Variants in ABR observed in about 807,000 individuals in gnomAD.
ABR encodes ABR activator of RhoGEF and GTPase.
A neutral mutation model predicts 107.2 loss-of-function variants in ABR; 35 were observed. That is an observed-to-expected ratio of 0.33 (90% CI 0.25 to 0.43). The LOEUF is 0.43. ABR is among the 20% of genes least tolerant of loss of function. The pLI is 1.00. For missense variants in ABR, 815 were observed against 1,115.2 expected (o/e 0.73, Z 3.83); for synonymous variants, 498 against 462.0 (o/e 1.08, Z -1.00).
At chr17:1,060,557 A>G (rs2033806051) in intron 10 of ABR, among the ~76,000 whole-genome samples, 2 of 152,218 alleles carry the variant, frequency 1.3e-5, no homozygotes, top group African/African-American at 4.8e-5. Context: ...GTTCAGAAGA[A>G]TACACCTCAA....
Position 1,004,034 on chromosome 17 carries a change from TC to T in ABR, c.*2045del. On this transcript the variant is annotated 3_prime_UTR_variant, in exon 23 of 23. Transcript: ENST00000302538. ...TCCCATAGCCTGTTCTCACGTTGCC[TC>T]AGCGAGCTTGGGGCTGTGGGGCTCC... 6.6e-6 allele frequency: 1 copy of T among 152,356 alleles called. No individual in the cohort carries two copies. The highest frequency in any genetic ancestry group is 1.9e-4 in the East Asian group (1 of 5,184). The allele number at this position is 152,356 out of a possible 1,614,324, so 9.4% of individuals were successfully genotyped here.
At chr17:1,012,874 C>T (rs771048550) in intron 17 of ABR, 77 bp from the exon 18 acceptor site, 156 of 1,302,520 alleles carry the variant, frequency 1.2e-4, no homozygotes, top group South Asian at 1.4e-4. Context: ...ACAGGGGTCC[C>T]CTCCCCAAGA....
At chr17:1,181,321 G>C (rs1214382364), upstream of ABR, among the ~76,000 whole-genome samples, 1 of 152,162 alleles carries the variant, frequency 6.6e-6, no homozygotes, top group East Asian at 1.9e-4. Context: ...GGAGATGGGG[G>C]TCACCCACTC....
At chr17:1,197,344 G>A (rs758921173) in intron 1 of ABR, among the ~76,000 whole-genome samples, 3 of 151,460 alleles carry the variant, frequency 2.0e-5, no homozygotes, top group Admixed American at 6.6e-5. Context: ...CTGTCTCTGC[G>A]GGTTTGAAAA....
intron 2 of ABR, among the ~76,000 whole-genome samples, chr17:1,119,620 C>T (rs964469396): frequency 6.6e-6 from 1 of 152,208 alleles, no homozygotes; most frequent in Non-Finnish European, 1.5e-5. Context: ...AGTTGAGAAC[C>T]CCTAGGTGCC....
intron 14 of ABR, among the ~76,000 whole-genome samples, chr17:1,053,830 G>A (rs149841939): frequency 7.4e-4 from 92 of 124,332 alleles, no homozygotes; most frequent in African/African-American, 2.6e-3. Context: ...GGCATCTGGG[G>A]ACATGGAGTG....
intron 1 of ABR, among the ~76,000 whole-genome samples, chr17:1,193,908 A>G (rs1258685531): frequency 6.6e-6 from 1 of 151,378 alleles, no homozygotes; most frequent in Non-Finnish European, 1.5e-5. Flanking sequence ...GTTAGCCAGG[A>G]TGGTTTTGAT....
intron 16 of ABR, among the ~76,000 whole-genome samples, chr17:1,020,091 T>C (rs2663315): frequency 0.42 from 63,772 of 150,506 alleles, 15,165 homozygotes; most frequent in African/African-American, 0.64. Context: ...ATTTCCTTCT[T>C]TTTTTTTTTT....
chr17:1,035,074 A>G (rs1396019649), intron 16 of ABR, among the ~76,000 whole-genome samples: 3 of 151,686 alleles, frequency 2.0e-5, no homozygotes, highest in African/African-American at 2.4e-5. Context: ...CTTCCTCCCT[A>G]TGGACTGGGG....
At chr17:1,089,640 C>T (rs914922383) in intron 4 of ABR, among the ~76,000 whole-genome samples, 3 of 152,206 alleles carry the variant, frequency 2.0e-5, no homozygotes, top group Admixed American at 6.5e-5. Flanking sequence ...GCAGTGACCA[C>T]TGGGCTGGTT....
rs187666967 is a variant in ABR, at chr17:1,157,546, C to A, written c.61+22121G>T. Among the ~76,000 whole-genome samples the A allele has an allele frequency of 6.6e-6, 1 of 152,174 alleles. No homozygotes were observed. Among genetic ancestry groups the A allele is most frequent in the Non-Finnish European group, 1.5e-5 (1 of 68,026 alleles). ...GATTACAGGCGTGAGCCACCGCGCCCGACCTCAGTGCACACAGTTCTAACA... is the reference window on the plus strand; with the variant it reads ...GATTACAGGCGTGAGCCACCGCGCCAGACCTCAGTGCACACAGTTCTAACA... On this transcript the variant is annotated intron_variant, in intron 1 of 22. Coordinates refer to ENST00000302538, the MANE Select transcript of ABR (RefSeq NM_021962.5). This position sits in a 1 kb window ranked among gnomAD's most constrained non-coding sequence, Gnocchi z 4.7.
At chr17:1,081,330 C>T (rs370502457) in intron 5 of ABR, among the ~76,000 whole-genome samples, 1 of 152,210 alleles carries the variant, frequency 6.6e-6, no homozygotes. Context: ...CCGCCTCGGC[C>T]TCCCAAAGTG....
chr17:1,096,916 G>A (rs1410848920), intron 3 of ABR, among the ~76,000 whole-genome samples: 5 of 142,202 alleles, frequency 3.5e-5, no homozygotes, highest in South Asian at 2.4e-4. Context: ...AACCTGCCCC[G>A]GGAGAGAGCT....
chr17:1,203,436 A>AGCCCGCGGGGG (rs1169818299), intron 1 of ABR, among the ~76,000 whole-genome samples: 2 of 21,624 alleles, frequency 9.2e-5, no homozygotes, highest in Non-Finnish European at 1.9e-4. Flanking sequence ...GCCCGCGGGG[A>AGCCCGCGGGGG]CGGAGTCTGC....
At chr17:1,096,177 C>T (rs2037409189) in intron 3 of ABR, among the ~76,000 whole-genome samples, 1 of 152,178 alleles carries the variant, frequency 6.6e-6, no homozygotes, top group South Asian at 2.1e-4. Context: ...GCAGGAGGGC[C>T]CCAGAAGATG....
At position 1,037,732 on chromosome 17, in the gene ABR, G is replaced by A. The variant is rs1328942306; in HGVS notation, c.1791+12318C>T. Among the ~76,000 whole-genome samples, 2 of 152,150 alleles carry A rather than the reference G, an allele frequency of 1.3e-5. No homozygotes were observed. Among genetic ancestry groups the A allele is most frequent in the South Asian group, 4.1e-4 (2 of 4,826 alleles). The stretch of plus-strand genomic sequence containing the variant: ...ATAAATTGCAGCCTGAGGCAGGAGG[G>A]GCTGAGGCCTGAAGGTGGGATGGGG... On this transcript the variant is annotated intron_variant, in intron 16 of 22. Transcript: ENST00000302538. This position sits in a 1 kb window ranked among gnomAD's most constrained non-coding sequence, Gnocchi z 4.6.
intron 2 of ABR, among the ~76,000 whole-genome samples, chr17:1,124,348 A>C (rs991827419): frequency 3.3e-5 from 5 of 152,206 alleles, no homozygotes; most frequent in Middle Eastern, 3.4e-3. Context: ...ACACACCCGG[A>C]CGAGCAGGAC....
intron 22 of ABR, among the ~76,000 whole-genome samples, chr17:1,006,536 G>C (rs552387182): frequency 6.6e-6 from 1 of 152,208 alleles, no homozygotes; most frequent in African/African-American, 2.4e-5. Flanking sequence ...TGCTTTCTGA[G>C]ACTGAGGCCC....
chr17:1,125,271 G>A lies in ABR; in HGVS notation c.158C>T (p.Ser53Leu), dbSNP rs1342814964. 2 of 1,613,596 alleles carry A rather than the reference G, an allele frequency of 1.2e-6. No homozygotes were observed. Among genetic ancestry groups the A allele is most frequent in the Non-Finnish European group, 8.5e-7 (1 of 1,179,774 alleles). The change falls in exon 2 of 23, where the codon TCG (serine) becomes TTG (leucine). Residue 53 changes from serine to leucine, a missense_variant. Around this residue, in one of 5 missense-constraint regions of ABR, gnomAD observed 129 missense variants for 124.8 expected, o/e 1.03. Coordinates refer to ENST00000302538, the MANE Select transcript of ABR (RefSeq NM_021962.5). ...GCTGAGCTGCGGGGACATGGTGGGC[G>A]ACTCATCGATGTACGGCATGGTCTC... The part of the protein sequence containing the change: ...GSETMPYIDE[S>L]PTMSPQLSAR...
Sources: gnomAD v4.1 joint callset for allele counts (sites outside exome capture counted in the v4.1 genomes callset) on GRCh38, gnomAD v4.1.1 for gene constraint, gnomAD v4.1.1 regional missense constraint, Gnocchi (gnomAD v3.1) non-coding constraint, MANE v1.5 for transcripts, NCBI Gene and HGNC (gene_info 2026-07-23, HGNC 2026-07-21) for gene names.